The following DDHD1 variants were observed in gnomAD, a reference collection of about 807,000 sequenced individuals.
The protein encoded by DDHD1 is phospholipase DDHD1.
In DDHD1, 49 loss-of-function variants were observed where a neutral mutation model predicts 96.4. The observed-to-expected ratio is 0.51, with a 90% CI of 0.40 to 0.64. The LOEUF (loss-of-function observed/expected upper bound fraction) is 0.64, where lower values mean the gene tolerates loss of function less well. Among genes scored for constraint, DDHD1 ranks in the 30% least tolerant of loss-of-function variants. The pLI, the probability that DDHD1 is intolerant of heterozygous loss-of-function variation, is 0.00. For missense variants in DDHD1, 1,106 were observed against 1,161.2 expected, an observed-to-expected ratio of 0.95 and a Z score of 0.69; for synonymous variants, 442 against 446.5, an observed-to-expected ratio of 0.99 and a Z score of 0.13.
At chr14:53,141,825 T>C (rs190081367) in intron 1 of DDHD1, among the ~76,000 whole-genome samples, 2 of 152,340 alleles carry the variant, frequency 1.3e-5, no homozygotes, top group East Asian at 3.9e-4. Context: ...CATGTGTGTA[T>C]GTACGTGTAT....
chr14:53,124,099 G>A (rs1889234794), intron 1 of DDHD1, among the ~76,000 whole-genome samples: 1 of 151,940 alleles, frequency 6.6e-6, no homozygotes, highest in Admixed American at 6.5e-5. Flanking sequence ...GCCGGGCATG[G>A]TGGCAGGCGG....
rs1420745953 is a variant in DDHD1, at chr14:53,046,658, T to C, written c.*110A>G. ...TTTTAAATTCAAATATATGTTGCCC[T>C]AAAGAAAACTGAAATATACTTTAAC... On this transcript the variant is annotated 3_prime_UTR_variant, in exon 13 of 13. Transcript: ENST00000673822. The C allele has an allele frequency of 1.4e-6, 1 of 692,586 alleles. No individual in the cohort carries two copies. The highest frequency in any genetic ancestry group is 2.2e-6 in the Non-Finnish European group (1 of 452,832). The allele number at this position is 692,586 out of a possible 1,614,324, so 42.9% of individuals were successfully genotyped here.
chr14:53,115,195 T>C (rs1313769543), intron 1 of DDHD1, among the ~76,000 whole-genome samples: 2 of 151,934 alleles, frequency 1.3e-5, no homozygotes, highest in Admixed American at 1.3e-4. Flanking sequence ...TGAAAAGGAA[T>C]GAACAAAGCC....
intron 1 of DDHD1, among the ~76,000 whole-genome samples, chr14:53,116,886 G>C (rs934536236): frequency 1.6e-4 from 25 of 151,924 alleles, no homozygotes; most frequent in African/African-American, 5.8e-4. Context: ...AGGAGATAGA[G>C]GACACAAAAA....
At chr14:53,095,558 G>A (rs553464920) in intron 2 of DDHD1, among the ~76,000 whole-genome samples, 2 of 152,010 alleles carry the variant, frequency 1.3e-5, no homozygotes, top group South Asian at 2.1e-4. Flanking sequence ...TACCTGCCAC[G>A]GCACATTACT....
rs12895170 is a variant in DDHD1, at chr14:53,083,601, T to C, written c.1289+8184A>G. Among the ~76,000 whole-genome samples, 1,470 of 152,264 alleles carry C rather than the reference T, an allele frequency of 9.7e-3. 9 individuals are homozygous for C. The highest frequency in any genetic ancestry group is 0.016 in the Non-Finnish European group (1,067 of 68,016). On this transcript the variant is annotated intron_variant, in intron 4 of 12. Transcript: ENST00000673822. ...AGGGAAAACTCTCTATTCCCAGGAA[T>C]CTAAGACATGATTTAAAGAAATCCT...
intron 1 of DDHD1, among the ~76,000 whole-genome samples, chr14:53,143,697 C>A (rs565845866): frequency 1.3e-5 from 2 of 152,314 alleles, no homozygotes; most frequent in Admixed American, 1.3e-4. Context: ...GGAAGAGGAA[C>A]AGGCTATGAC....
At position 53,041,381 on chromosome 14, in the gene DDHD1, C is replaced by A. The variant is rs1881635177; in HGVS notation, c.*5387G>T. The A allele has an allele frequency of 6.6e-6, 1 of 152,086 alleles. No individual in the cohort carries two copies. Among genetic ancestry groups the A allele is most frequent in the Non-Finnish European group, 1.5e-5 (1 of 68,004 alleles). 9.4% of individuals were successfully genotyped at this position (152,086 alleles called of 1,614,324 possible). On this transcript the variant is annotated 3_prime_UTR_variant, in exon 13 of 13. Coordinates refer to ENST00000673822, the MANE Select transcript of DDHD1 (RefSeq NM_001160148.2). ...GCCAATGGACTATTTTTGGGGAATGCACATACATACACACACACACCAAAA... is the reference window on the plus strand; with the variant it reads ...GCCAATGGACTATTTTTGGGGAATGAACATACATACACACACACACCAAAA...
intron 4 of DDHD1, among the ~76,000 whole-genome samples, chr14:53,086,972 C>CAAAAAAAA (rs60569444): frequency 3.8e-5 from 2 of 52,210 alleles, no homozygotes; most frequent in Non-Finnish European, 7.1e-5. Flanking sequence ...AAATGAAAAG[C>CAAAAAAAA]AAAAAAAAAA....
At chr14:53,087,131 C>T (rs1285555577) in intron 4 of DDHD1, among the ~76,000 whole-genome samples, 1 of 152,060 alleles carries the variant, frequency 6.6e-6, no homozygotes, top group African/African-American at 2.4e-5. Flanking sequence ...ATATATGCAC[C>T]TAATACAGGA....
intron 1 of DDHD1, among the ~76,000 whole-genome samples, chr14:53,125,010 G>A (rs1889323170): frequency 6.6e-6 from 1 of 152,102 alleles, no homozygotes; most frequent in African/African-American, 2.4e-5. Context: ...GTCTCTGTGT[G>A]CCCAAATTCC....
intron 1 of DDHD1, among the ~76,000 whole-genome samples, chr14:53,145,212 A>C (rs1430030070): frequency 1.3e-5 from 2 of 152,054 alleles, no homozygotes; most frequent in Non-Finnish European, 2.9e-5. Context: ...CTTCAGTTTT[A>C]ATAAGGCTGG....
intron 4 of DDHD1, among the ~76,000 whole-genome samples, chr14:53,078,451 C>A (rs1023164578): frequency 6.6e-6 from 1 of 152,004 alleles, no homozygotes; most frequent in Non-Finnish European, 1.5e-5. Flanking sequence ...AAATCCTTTA[C>A]CCATTTAAAA....
At chr14:53,047,130 G>T (rs1371185651) in intron 12 of DDHD1, among the ~76,000 whole-genome samples, 181 bp from the exon 13 acceptor site, 1 of 151,956 alleles carries the variant, frequency 6.6e-6, no homozygotes, top group East Asian at 1.9e-4. Flanking sequence ...AGTAGTACAG[G>T]ATTCTATTTG....
rs192934516 is a variant in DDHD1 at position 53,046,782 on chromosome 14, A to T, written c.2689T>A (p.Leu897Ile). The change falls in exon 13 of 13, where the codon TTA (leucine) becomes ATA (isoleucine). Residue 897 changes from leucine (L) to isoleucine (I), a missense_variant. This residue lies in a region of DDHD1 where 650 missense variants were observed against 758.8 expected (regional missense o/e 0.86). Coordinates refer to ENST00000673822, the MANE Select transcript of DDHD1 (RefSeq NM_001160148.2). Reference protein sequence around the residue: ...HEHDDDAKPNLDPI With the variant: ...HEHDDDAKPNIDPI Reference sequence around the variant, plus strand: ...TTCAAGAGAGTTCAGATTGGATCTAAATTGGGTTTTGCATCATCATCGTGC... The same window carrying T: ...TTCAAGAGAGTTCAGATTGGATCTATATTGGGTTTTGCATCATCATCGTGC... The T allele has an allele frequency of 4.0e-5, 65 of 1,606,114 alleles. No homozygotes were observed. In the East Asian group the frequency reaches 1.3e-3, roughly 33 times the overall value.
intron 1 of DDHD1, among the ~76,000 whole-genome samples, chr14:53,105,391 T>A (rs1320429524): frequency 6.6e-6 from 1 of 152,096 alleles, no homozygotes; most frequent in East Asian, 1.9e-4. Context: ...GTATTTAAAA[T>A]TTTCTATTAT....
At chr14:53,089,934 G>A (rs1886294461) in intron 4 of DDHD1, among the ~76,000 whole-genome samples, 1 of 152,110 alleles carries the variant, frequency 6.6e-6, no homozygotes, top group African/African-American at 2.4e-5. Context: ...GAGTGAACAG[G>A]CAACCTACAG....
rs7147720 is a variant in DDHD1 at position 53,055,557 on chromosome 14, A to T, written c.2245+103T>A. 5.9e-3 allele frequency: 6,861 copies of T among 1,158,696 alleles called. 272 individuals carry two copies. In the African/African-American group the frequency reaches 0.089, roughly 15 times the overall value. 71.8% of individuals were successfully genotyped at this position (1,158,696 alleles called of 1,614,324 possible). A position where few individuals can be genotyped will look rare whatever the true frequency, so the allele number is the denominator to read the frequency against. ...GTAGTTAATTCTAGACACAGGGATT[A>T]ACTGCTGGGAGTTTCCTAATACATA... On this transcript the variant is annotated intron_variant, in intron 10 of 12. Coordinates refer to ENST00000673822, the MANE Select transcript of DDHD1 (RefSeq NM_001160148.2).
intron 1 of DDHD1, among the ~76,000 whole-genome samples, chr14:53,115,603 C>T (rs554998755): frequency 2.4e-4 from 36 of 152,182 alleles, no homozygotes; most frequent in African/African-American, 2.6e-4. Flanking sequence ...ATTTGCAACC[C>T]GGAATTTCAT....
Sources: gnomAD v4.1 joint callset for allele counts (sites outside exome capture counted in the v4.1 genomes callset) on GRCh38, gnomAD v4.1.1 for gene constraint, gnomAD v4.1.1 regional missense constraint, MANE v1.5 for transcripts, NCBI Gene and HGNC (gene_info 2026-07-23, HGNC 2026-07-21) for gene names.